Variants in UGGT1 observed in about 807,000 individuals in gnomAD.
UGGT1 encodes the protein UDP-glucose glycoprotein glucosyltransferase 1.
Under a neutral mutation model 203.9 loss-of-function variants are expected in UGGT1, and 107 were observed. The observed-to-expected ratio is 0.52, with a 90% CI of 0.45 to 0.62. UGGT1 has a LOEUF of 0.62. Ranked by LOEUF, UGGT1 falls within the 20% of genes least tolerant of loss-of-function variation. The pLI is 0.00. For missense variants in UGGT1, 1,673 were observed against 1,867.2 expected, an observed-to-expected ratio of 0.90 and a Z score of 1.92; for synonymous variants, 628 against 653.5, an observed-to-expected ratio of 0.96 and a Z score of 0.59.
intron 11 of UGGT1, among the ~76,000 whole-genome samples, chr2:128,125,654 T>G (rs533357348): frequency 1.3e-5 from 2 of 152,226 alleles, no homozygotes; most frequent in Non-Finnish European, 2.9e-5. Context: ...AATGTTCTTA[T>G]GTTCAATTCA....
At chr2:128,182,722 A>G (rs1691762860) in intron 37 of UGGT1, among the ~76,000 whole-genome samples, 1 of 150,838 alleles carries the variant, frequency 6.6e-6, no homozygotes, top group Non-Finnish European at 1.5e-5. Context: ...AATACAGTGT[A>G]AAAAAAACTT....
intron 1 of UGGT1, among the ~76,000 whole-genome samples, chr2:128,093,577 C>G (rs1002307963): frequency 3.3e-5 from 5 of 152,204 alleles, no homozygotes; most frequent in Non-Finnish European, 5.9e-5. Context: ...TCTCAGCCAC[C>G]TGTCTCCCAA....
Position 128,194,193 on chromosome 2 carries a change from G to C in UGGT1, c.*4451G>C, listed in dbSNP as rs1692409999. ...CTGCAACCTCTGCCTCCTGGGTTCA[G>C]GTGATTCTCCTGCCTCAGCCTTCCG... On this transcript the variant is annotated 3_prime_UTR_variant, in exon 41 of 41. Coordinates refer to ENST00000259253, the MANE Select transcript of UGGT1 (RefSeq NM_020120.4). 1 of 152,094 alleles carries C rather than the reference G, an allele frequency of 6.6e-6. No homozygotes were observed. Among genetic ancestry groups the C allele is most frequent in the Non-Finnish European group, 1.5e-5 (1 of 68,028 alleles). The allele number at this position is 152,094 out of a possible 1,614,324, so 9.4% of individuals were successfully genotyped here. A position where few individuals can be genotyped will look rare whatever the true frequency, so the allele number is the denominator to read the frequency against.
chr2:128,187,655 A>G (rs1692052748), intron 40 of UGGT1, 41 bp downstream of exon 40: 1 of 1,543,062 alleles, frequency 6.5e-7, no homozygotes, highest in South Asian at 1.2e-5. Flanking sequence ...ACTTCTTTCC[A>G]TTTCTGATTT....
At chr2:128,177,943 A>G (rs2104805968) in intron 33 of UGGT1, 23 bp downstream of exon 33, 4 of 1,572,078 alleles carry the variant, frequency 2.5e-6, no homozygotes, top group Non-Finnish European at 3.5e-6. Context: ...TGTAAGAGTT[A>G]TGTTTTTAAG....
chr2:128,165,817 A>G (rs542250931), intron 26 of UGGT1, among the ~76,000 whole-genome samples: 25 of 151,658 alleles, frequency 1.6e-4, no homozygotes, highest in East Asian at 1.2e-3. Context: ...GCTAGAATGC[A>G]GTAGCGTGAT....
At chr2:128,120,150 T>C (rs1196341188) in intron 8 of UGGT1, among the ~76,000 whole-genome samples, 1 of 152,140 alleles carries the variant, frequency 6.6e-6, no homozygotes, top group South Asian at 2.1e-4. Flanking sequence ...TAGCAATTTT[T>C]CTATAAATTT....
Position 128,164,788 on chromosome 2 carries a change from C to G in UGGT1, c.2884C>G (p.Pro962Ala), listed in dbSNP as rs1241556027. The G allele has an allele frequency of 6.2e-7, 1 of 1,609,888 alleles. No homozygotes were observed. The highest frequency in any genetic ancestry group is 8.5e-7 in the Non-Finnish European group (1 of 1,178,628). ...ALLSAQPKGD[P>A]RIEYQFFEDR... ...TCTGTCAGCGCAACCAAAAGGAGAT[C>G]CAAGAATCGAGTACCAGTTTTTTGA... The change falls in exon 26 of 41, where the codon CCA becomes GCA. Residue 962 changes from proline (P) to alanine (A), a missense_variant. By Grantham distance (27) the Pro-to-Ala change is conservative. Coordinates refer to ENST00000259253, the MANE Select transcript of UGGT1 (RefSeq NM_020120.4).
At chr2:128,125,820 A>G (rs1197222907) in intron 11 of UGGT1, among the ~76,000 whole-genome samples, 1 of 152,116 alleles carries the variant, frequency 6.6e-6, no homozygotes, top group Non-Finnish European at 1.5e-5. Flanking sequence ...TAAAAATATC[A>G]AATATTATCT....
chr2:128,099,993 A>G (rs1374219052), intron 2 of UGGT1, among the ~76,000 whole-genome samples: 1 of 149,482 alleles, frequency 6.7e-6, no homozygotes, highest in Non-Finnish European at 1.5e-5. Flanking sequence ...TTTGTTTGGT[A>G]TAAAATCTGT....
intron 30 of UGGT1, 52 bp from the exon 31 acceptor site, chr2:128,174,721 T>A: frequency 2.2e-6 from 3 of 1,380,732 alleles, no homozygotes; most frequent in South Asian, 2.4e-5. Context: ...TCCTCAGAAA[T>A]AACATTTTGG....
At chr2:128,097,021 AT>A (rs1420390732) in intron 1 of UGGT1, among the ~76,000 whole-genome samples, 2 of 152,196 alleles carry the variant, frequency 1.3e-5, no homozygotes, top group Admixed American at 1.3e-4. Context: ...AACTTATGTT[AT>A]TTTGTGTCTC....
intron 25 of UGGT1, among the ~76,000 whole-genome samples, chr2:128,161,601 T>A (rs1249685825): frequency 6.6e-6 from 1 of 152,246 alleles, no homozygotes; most frequent in Non-Finnish European, 1.5e-5. Flanking sequence ...TTTTCATCAT[T>A]ATCTATTTGG....
chr2:128,121,366 A>T, intron 10 of UGGT1, 68 bp downstream of exon 10: 8 of 1,011,614 alleles, frequency 7.9e-6, no homozygotes, highest in Non-Finnish European at 1.2e-5. Context: ...TTGCCAAATG[A>T]GGTAATAACA....
intron 10 of UGGT1, among the ~76,000 whole-genome samples, chr2:128,122,139 A>G (rs1257568154): frequency 6.6e-6 from 1 of 152,122 alleles, no homozygotes; most frequent in Admixed American, 6.5e-5. Flanking sequence ...AGGCCTGGCT[A>G]ATTTTTGTAT....
chr2:128,163,838 A>G (rs1395680363), intron 25 of UGGT1, among the ~76,000 whole-genome samples: 1 of 152,120 alleles, frequency 6.6e-6, no homozygotes, highest in Non-Finnish European at 1.5e-5. Flanking sequence ...TTGGCTTAAT[A>G]TTTAGATTAT....
At position 128,121,309 on chromosome 2, in the gene UGGT1, A is replaced by G; in HGVS notation, c.1073+11A>G. 1 of 1,589,046 alleles carries G rather than the reference A, an allele frequency of 6.3e-7. No homozygotes were observed. The highest frequency in any genetic ancestry group is 8.6e-7 in the Non-Finnish European group (1 of 1,164,076). On this transcript the variant is annotated intron_variant, in intron 10 of 40. Transcript: ENST00000259253. ...TCCTACCAAAGCCAGGTAATGTAGA[A>G]TAATGCTCTTCTCCTTAACATCATA...
chr2:128,131,808 A>G (rs1185837289), intron 13 of UGGT1, among the ~76,000 whole-genome samples: 4 of 152,062 alleles, frequency 2.6e-5, no homozygotes, highest in African/African-American at 9.7e-5. Flanking sequence ...TTGTATTTTT[A>G]ATAGAGATGG....
chr2:128,137,772 G>A (rs1012528747), intron 15 of UGGT1, among the ~76,000 whole-genome samples: 6 of 152,196 alleles, frequency 3.9e-5, no homozygotes, highest in Non-Finnish European at 1.5e-5. Context: ...TGCATGTCCA[G>A]TTGTTCAGCA....
Sources: allele counts gnomAD v4.1 joint callset (sites outside exome capture counted in the v4.1 genomes callset), GRCh38; gene constraint gnomAD v4.1.1; transcripts MANE v1.5; gene names NCBI Gene and HGNC (gene_info 2026-07-23, HGNC 2026-07-21).